The following C7 variants were observed in gnomAD, a reference collection of about 807,000 sequenced individuals.
The protein encoded by C7 is complement component C7.
In C7, 83 loss-of-function variants were observed where a neutral mutation model predicts 104.8. The observed-to-expected ratio is 0.79, with a 90% confidence interval of 0.66 to 0.95. The LOEUF is 0.95. Among genes scored for constraint, C7 ranks in the 40% least tolerant of loss-of-function variants. The pLI, the probability that C7 is intolerant of heterozygous loss-of-function variation, is 0.00. For missense variants in C7, 1,070 were observed against 1,011.2 expected (o/e 1.06, Z -0.79); for synonymous variants, 415 against 360.6 (o/e 1.15, Z -1.71).
At chr5:40,968,194 C>T (rs749048224) in intron 14 of C7, among the ~76,000 whole-genome samples, 61 of 150,656 alleles carry the variant, frequency 4.0e-4, no homozygotes, top group Non-Finnish European at 7.0e-4. Context: ...GGTGCGATCT[C>T]GGCTCACTGC....
rs752466445 is a variant in C7, at chr5:40,958,073, C to T, written c.1301C>T (p.Ala434Val). 1.2e-6 allele frequency: 2 copies of T among 1,613,542 alleles called. No homozygotes were observed. The highest frequency in any genetic ancestry group is 2.2e-5 in the East Asian group (1 of 44,866). Residue 434 changes from alanine (A) to valine (V), a missense_variant, in exon 11 of 18, where the codon GCC becomes GTC. Ala to Val is a moderately conservative substitution (Grantham distance 64). Coordinates refer to ENST00000313164, the MANE Select transcript of C7 (RefSeq NM_000587.4). ...GAGCTGGTAAAGGAAGTACCTTGTG[C>T]CTCTGTGAAAAAACTATACCTGAAA... ...LYELVKEVPC[A>V]SVKKLYLKWA...
chr5:40,943,503 A>G (rs186470595), intron 6 of C7, among the ~76,000 whole-genome samples: 1 of 152,232 alleles, frequency 6.6e-6, no homozygotes, highest in South Asian at 2.1e-4. Context: ...GAACTAAAGC[A>G]GCTGAGAGGT....
At position 40,959,600 on chromosome 5, in the gene C7, TGAG is replaced by T; in HGVS notation, c.1645_1647del (p.Glu549del). The T allele has an allele frequency of 1.9e-6, 3 of 1,601,882 alleles. No homozygotes were observed. Among genetic ancestry groups the T allele is most frequent in the Non-Finnish European group, 2.6e-6 (3 of 1,174,402 alleles). On this transcript the variant is annotated inframe_deletion, in exon 12 of 18. Coordinates refer to ENST00000313164, the MANE Select transcript of C7 (RefSeq NM_000587.4). Reference sequence around the variant, plus strand: ...CGACAGAAAGCACACAATGCGAAGATGAGGAGCTGGAGCACTTGAGGTAATGGA... The same window carrying T: ...CGACAGAAAGCACACAATGCGAAGATGAGCTGGAGCACTTGAGGTAATGGA...
Position 40,928,620 on chromosome 5 carries a change from T to A in C7, c.47T>A (p.Phe16Tyr). Residue 16 changes from phenylalanine (F) to tyrosine (Y), a missense_variant, in exon 2 of 18, where the codon TTC becomes TAC. Physicochemically the swap from Phe to Tyr is conservative, Grantham distance 22 (BLOSUM62 3). Transcript: ENST00000313164. ...LFILVGFIGE[F>Y]QSFSSASSPV... is the part of the protein sequence containing the mutation. ...ATTTTGGTGGGATTTATAGGAGAGT[T>A]CCAAAGTTTTTCAAGGTGAGGACTT... The A allele has an allele frequency of 6.4e-7, 1 of 1,552,182 alleles. No homozygotes were observed. Among genetic ancestry groups the A allele is most frequent in the Non-Finnish European group, 8.7e-7 (1 of 1,144,394 alleles).
At chr5:40,935,321 T>C (rs536699368) in intron 4 of C7, among the ~76,000 whole-genome samples, 24 of 152,276 alleles carry the variant, frequency 1.6e-4, no homozygotes, top group Non-Finnish European at 2.8e-4. Flanking sequence ...CTTGAAGACA[T>C]GAATTATATT....
chr5:40,968,569 TATATATATATATATA>T (rs1196617620), intron 14 of C7, among the ~76,000 whole-genome samples: 92 of 41,966 alleles, frequency 2.2e-3, no homozygotes, highest in African/African-American at 3.8e-3. Context: ...ATATATATTT[TATATATATATATATA>T]TATATATATA....
intron 4 of C7, among the ~76,000 whole-genome samples, chr5:40,935,804 A>G (rs1739799225): frequency 6.6e-6 from 1 of 152,226 alleles, no homozygotes; most frequent in African/African-American, 2.4e-5. Context: ...ATGTCTTTGT[A>G]GTATTTCCTA....
At chr5:40,973,130 A>G (rs1380694729) in intron 15 of C7, among the ~76,000 whole-genome samples, 1 of 152,112 alleles carries the variant, frequency 6.6e-6, no homozygotes, top group Non-Finnish European at 1.5e-5. Flanking sequence ...TAATGTGGAA[A>G]CCCAAAAATC....
chr5:40,941,053 G>A (rs983684578), intron 6 of C7, among the ~76,000 whole-genome samples: 1 of 148,156 alleles, frequency 6.7e-6, no homozygotes, highest in Admixed American at 7.0e-5. Flanking sequence ...GAGTGCAAGA[G>A]GAACACTTCT....
chr5:40,940,963 T>C (rs1739922866), intron 6 of C7, among the ~76,000 whole-genome samples: 1 of 152,074 alleles, frequency 6.6e-6, no homozygotes, highest in Non-Finnish European at 1.5e-5. Context: ...ATGCAGTGAA[T>C]ATCTCTATAT....
At chr5:40,968,573 TATATATATA>T (rs1740612131) in intron 14 of C7, among the ~76,000 whole-genome samples, 1 of 54,598 alleles carries the variant, frequency 1.8e-5, no homozygotes, top group African/African-American at 6.2e-5. Flanking sequence ...ATATTTTATA[TATATATATA>T]TATATATATA....
At chr5:40,944,527 C>T (rs1740006172) in intron 6 of C7, among the ~76,000 whole-genome samples, 1 of 152,164 alleles carries the variant, frequency 6.6e-6, no homozygotes, top group Non-Finnish European at 1.5e-5. Flanking sequence ...TGCCAGTTCC[C>T]TGTGGGCATT....
chr5:40,949,388 C>T (rs1335770947), intron 8 of C7, among the ~76,000 whole-genome samples: 5 of 151,298 alleles, frequency 3.3e-5, no homozygotes, highest in African/African-American at 1.2e-4. Flanking sequence ...AAAAACTCCC[C>T]TTGATAATGA....
intron 10 of C7, 89 bp from the exon 11 acceptor site, chr5:40,957,944 G>A: frequency 1.2e-6 from 1 of 809,006 alleles, no homozygotes; most frequent in Non-Finnish European, 1.8e-6. Flanking sequence ...TTTTGATTTT[G>A]TTTTAATGAG....
At chr5:40,947,498 G>A (rs1579856306) in intron 7 of C7, 104 bp from the exon 8 acceptor site, 1 of 1,284,136 alleles carries the variant, frequency 7.8e-7, no homozygotes, top group Non-Finnish European at 1.1e-6. Context: ...TGTAGTCTTG[G>A]TTGATTGGAG....
In C7 at chr5:40,955,563, G is replaced by T; in HGVS notation, c.1260+10G>T. The T allele has an allele frequency of 1.2e-6, 2 of 1,607,468 alleles. No individual in the cohort carries two copies. The highest frequency in any genetic ancestry group is 1.7e-4 in the Middle Eastern group (1 of 6,032). ...AGTCATAAAACAAAAGGTATGTCAG[G>T]CTTTGTTTAAAGCAATAGGAAGCAG... On this transcript the variant is annotated intron_variant, in intron 10 of 17. Coordinates refer to ENST00000313164, the MANE Select transcript of C7 (RefSeq NM_000587.4).
Position 40,981,916 on chromosome 5 carries a change from A to G in C7, c.*343A>G. ...CTTGAATGCTCCATTCAGGCCTATC[A>G]TTTTATTAAGTATGATTGACACAGC... On this transcript the variant is annotated 3_prime_UTR_variant, in exon 18 of 18. Transcript: ENST00000313164. 5.6e-6 allele frequency: 1 copy of G among 177,992 alleles called. No homozygotes were observed. The highest frequency in any genetic ancestry group is 1.2e-5 in the Non-Finnish European group (1 of 84,808). 11.0% of individuals were successfully genotyped at this position (177,992 alleles called of 1,614,324 possible).
intron 11 of C7, among the ~76,000 whole-genome samples, chr5:40,958,730 A>G (rs890453878): frequency 3.9e-5 from 6 of 152,214 alleles, no homozygotes; most frequent in African/African-American, 1.2e-4. Context: ...TCAAGCACTT[A>G]GTACAGGGCT....
intron 1 of C7, among the ~76,000 whole-genome samples, chr5:40,911,750 T>TG (rs1483463040): frequency 1.3e-5 from 2 of 151,330 alleles, no homozygotes; most frequent in East Asian, 3.9e-4. Flanking sequence ...CTTTTTTTTT[T>TG]TTTTTTGAGA....
Sources: allele counts gnomAD v4.1 joint callset (sites outside exome capture counted in the v4.1 genomes callset), GRCh38; gene constraint gnomAD v4.1.1; transcripts MANE v1.5; gene names NCBI Gene and HGNC (gene_info 2026-07-23, HGNC 2026-07-21).